PTPRT: variants seen among roughly 807,000 people sequenced by gnomAD.
The protein encoded by PTPRT is receptor-type tyrosine-protein phosphatase T.
A neutral mutation model predicts 176.8 loss-of-function variants in PTPRT; 56 were observed. That is an observed-to-expected ratio of 0.32 (90% CI 0.26 to 0.40). PTPRT has a LOEUF of 0.40. PTPRT is among the 10% of genes least tolerant of loss of function. The probability of loss-of-function intolerance (pLI) is 1.00; values close to 1 mark genes in which losing one functional copy is unlikely to be tolerated. For missense variants in PTPRT, 1,540 were observed against 1,908.2 expected (o/e 0.81, Z 3.60); for synonymous variants, 783 against 739.0 (o/e 1.06, Z -0.96).
chr20:42,706,998 A>C (rs1391212178), intron 6 of PTPRT, among the ~76,000 whole-genome samples: 3 of 152,210 alleles, frequency 2.0e-5, no homozygotes, highest in Non-Finnish European at 4.4e-5. Flanking sequence ...GGACTGGAGT[A>C]ATGAATCTAC....
intron 12 of PTPRT, among the ~76,000 whole-genome samples, chr20:42,293,576 T>C (rs1600793642): frequency 6.6e-6 from 1 of 152,192 alleles, no homozygotes. Context: ...TAGGAGATTA[T>C]AATAAATTGC....
chr20:42,220,772 C>T (rs750434075), intron 15 of PTPRT, among the ~76,000 whole-genome samples: 1 of 152,014 alleles, frequency 6.6e-6, no homozygotes, highest in Non-Finnish European at 1.5e-5. Flanking sequence ...TAAACAAAAA[C>T]GTTAAGAGAC....
intron 1 of PTPRT, among the ~76,000 whole-genome samples, chr20:43,072,135 T>C (rs1213471730): frequency 6.6e-6 from 1 of 152,230 alleles, no homozygotes; most frequent in Non-Finnish European, 1.5e-5. Flanking sequence ...ACCCTGTCTC[T>C]TGAAAGTGGC....
At chr20:42,508,618 T>C (rs1324695039) in intron 7 of PTPRT, among the ~76,000 whole-genome samples, 1 of 152,030 alleles carries the variant, frequency 6.6e-6, no homozygotes, top group Non-Finnish European at 1.5e-5. Context: ...CCAAGACAGG[T>C]ATTTTGAGAT....
chr20:42,921,636 A>C (rs1419934323), intron 1 of PTPRT, among the ~76,000 whole-genome samples: 1 of 152,214 alleles, frequency 6.6e-6, no homozygotes, highest in African/African-American at 2.4e-5. Flanking sequence ...GACATCTAAC[A>C]GTCATACATG....
rs184977298 is a variant in PTPRT at position 42,102,135 on chromosome 20, C to T, written c.3703G>A (p.Ala1235Thr). Residue 1235 changes from alanine to threonine, a missense_variant, in exon 26 of 31, where the codon GCA becomes ACA. Transcript: ENST00000373187. ...DGESSNYINA[A>T]LMDSHKQPAA... ...CGGGCTCGGCTTACATCCATCAGTGCTGCGTTGATGTAATTGCTGGATTCT... is the reference window on the plus strand; with the variant it reads ...CGGGCTCGGCTTACATCCATCAGTGTTGCGTTGATGTAATTGCTGGATTCT... 2.3e-4 allele frequency: 377 copies of T among 1,614,050 alleles called. No homozygotes were observed. The African/African-American group carries it at 4.5e-3, about 19-fold the overall frequency.
chr20:42,631,881 C>T (rs1333350039), intron 7 of PTPRT, among the ~76,000 whole-genome samples: 1 of 152,130 alleles, frequency 6.6e-6, no homozygotes, highest in Non-Finnish European at 1.5e-5. Context: ...GGGAGATAAC[C>T]TATAAGCCTT....
At chr20:42,350,875 T>G in intron 10 of PTPRT, 145 bp from the exon 11 acceptor site, 1 of 630,206 alleles carries the variant, frequency 1.6e-6, no homozygotes, top group Non-Finnish European at 2.8e-6. Context: ...CTTCCAGGCC[T>G]TCAGTAAAGG....
intron 16 of PTPRT, among the ~76,000 whole-genome samples, chr20:42,198,124 G>C (rs1284673052): frequency 6.6e-6 from 1 of 152,176 alleles, no homozygotes; most frequent in Non-Finnish European, 1.5e-5. Flanking sequence ...CTGGAGCTTA[G>C]GAATCATGGG....
At chr20:42,148,820 G>T (rs1813440642) in intron 17 of PTPRT, among the ~76,000 whole-genome samples, 1 of 152,208 alleles carries the variant, frequency 6.6e-6, no homozygotes, top group Non-Finnish European at 1.5e-5. Context: ...CCATATTCTG[G>T]TTAATATGAG....
intron 7 of PTPRT, among the ~76,000 whole-genome samples, chr20:42,665,535 C>T (rs533847211): frequency 1.3e-4 from 20 of 152,192 alleles, no homozygotes; most frequent in South Asian, 1.0e-3. Context: ...GACAGTGTGG[C>T]GATTCCTCAG....
intron 11 of PTPRT, among the ~76,000 whole-genome samples, chr20:42,321,991 T>C (rs1456665514): frequency 1.3e-5 from 2 of 152,102 alleles, no homozygotes; most frequent in Non-Finnish European, 2.9e-5. Context: ...GAGAATGCCG[T>C]GAACCCGGAA....
At chr20:42,723,707 C>T (rs933061069) in intron 6 of PTPRT, among the ~76,000 whole-genome samples, 3 of 152,190 alleles carry the variant, frequency 2.0e-5, no homozygotes, top group African/African-American at 7.2e-5. Context: ...CAGCAAGATG[C>T]CACGTGCTTT....
intron 16 of PTPRT, among the ~76,000 whole-genome samples, chr20:42,184,614 T>TCTTCTTCTTCTTCTCCTC (rs1990692690): frequency 1.1e-4 from 15 of 142,560 alleles, no homozygotes; most frequent in African/African-American, 3.9e-4. Context: ...TTCTTCTTCT[T>TCTTCTTCTTCTTCTCCTC]CTCCTCCTTC....
intron 7 of PTPRT, among the ~76,000 whole-genome samples, chr20:42,567,278 C>CAAA (rs111570407): frequency 0.01 from 1,338 of 129,222 alleles, 21 homozygotes; most frequent in African/African-American, 0.037. Flanking sequence ...CCATCTCAAA[C>CAAA]AAAAAAAAAT....
chr20:42,506,464 T>C (rs545293450), intron 7 of PTPRT, among the ~76,000 whole-genome samples: 8 of 152,262 alleles, frequency 5.3e-5, no homozygotes, highest in Non-Finnish European at 7.4e-5. Context: ...GTTGAATCTA[T>C]TTCCAGAGTA....
At chr20:43,120,851 T>G (rs2013233226) in intron 1 of PTPRT, among the ~76,000 whole-genome samples, 2 of 152,262 alleles carry the variant, frequency 1.3e-5, no homozygotes, top group African/African-American at 2.4e-5. Flanking sequence ...TATTGAAATT[T>G]TGTATTAATA....
At chr20:42,714,787 C>T (rs976248) in intron 6 of PTPRT, among the ~76,000 whole-genome samples, 22,497 of 152,030 alleles carry the variant, frequency 0.15, 2,569 homozygotes, top group African/African-American at 0.31. Context: ...CTGAGGAACC[C>T]GAATTAGAGT....
intron 7 of PTPRT, among the ~76,000 whole-genome samples, chr20:42,497,916 T>C (rs1334211847): frequency 3.9e-5 from 6 of 152,212 alleles, no homozygotes; most frequent in Admixed American, 6.5e-5. Context: ...TGTGCTGGAT[T>C]CATTTATCTT....
Sources: gnomAD v4.1 joint callset for allele counts (sites outside exome capture counted in the v4.1 genomes callset) on GRCh38, gnomAD v4.1.1 for gene constraint, MANE v1.5 for transcripts, NCBI Gene and HGNC (gene_info 2026-07-23, HGNC 2026-07-21) for gene names.